SHCBP1L: variants seen among roughly 807,000 people sequenced by gnomAD.
The protein encoded by SHCBP1L is testicular spindle-associated protein SHCBP1L.
Under a neutral mutation model 62.5 loss-of-function variants are expected in SHCBP1L, and 67 were observed. The observed-to-expected ratio is 1.07, with a 90% CI of 0.88 to 1.31. The LOEUF (loss-of-function observed/expected upper bound fraction) is 1.31, where lower values mean the gene tolerates loss of function less well. Among genes scored for constraint, SHCBP1L ranks in the 40% most tolerant of loss-of-function variants. The pLI is 0.00. For missense variants in SHCBP1L, 823 were observed against 809.8 expected (o/e 1.02, Z -0.20); for synonymous variants, 284 against 289.4 (o/e 0.98, Z 0.19).
chr1:182,901,885 A>G (rs1389211825), intron 9 of SHCBP1L, among the ~76,000 whole-genome samples: 1 of 152,164 alleles, frequency 6.6e-6, no homozygotes, highest in Non-Finnish European at 1.5e-5. Context: ...AGGCCTACTG[A>G]ATCAGAAAGC....
intron 6 of SHCBP1L, among the ~76,000 whole-genome samples, chr1:182,913,613 A>G (rs965677093): frequency 6.6e-6 from 1 of 152,236 alleles, no homozygotes; most frequent in Non-Finnish European, 1.5e-5. Context: ...CTACATATCC[A>G]AGAAGTGTAA....
intron 6 of SHCBP1L, among the ~76,000 whole-genome samples, chr1:182,905,974 G>A (rs1180454143): frequency 2.0e-5 from 3 of 151,992 alleles, no homozygotes; most frequent in African/African-American, 7.3e-5. Context: ...TCGCTCTGTC[G>A]CCCAGGCTGG....
intron 7 of SHCBP1L, 104 bp from the exon 8 acceptor site, chr1:182,904,534 C>CGTGTGCGT (rs1649948106): frequency 1.7e-6 from 1 of 579,916 alleles, no homozygotes; most frequent in African/African-American, 2.0e-5. Context: ...TCCCTGTGTG[C>CGTGTGCGT]GTGTGTGTGT....
At chr1:182,923,164 T>C (rs1299041172) in intron 6 of SHCBP1L, among the ~76,000 whole-genome samples, 1 of 151,900 alleles carries the variant, frequency 6.6e-6, no homozygotes, top group Non-Finnish European at 1.5e-5. Context: ...ACACACAATC[T>C]CCCAAGATTG....
At chr1:182,952,479 T>C (rs570558812) in intron 1 of SHCBP1L, 1 of 438,388 alleles carries the variant, frequency 2.3e-6, no homozygotes, top group African/African-American at 2.1e-5. Flanking sequence ...CTCAGAAAAT[T>C]CTCTCTCAGG....
chr1:182,914,345 G>C (rs79014647), intron 6 of SHCBP1L, among the ~76,000 whole-genome samples: 2 of 152,202 alleles, frequency 1.3e-5, no homozygotes, highest in East Asian at 3.9e-4. Context: ...GTAAAATCAA[G>C]GGTAAATATA....
At chr1:182,950,854 C>G (rs536200467) in intron 2 of SHCBP1L, among the ~76,000 whole-genome samples, 1 of 151,606 alleles carries the variant, frequency 6.6e-6, no homozygotes. Flanking sequence ...TCACACCATT[C>G]TCCTGCCTCA....
chr1:182,949,757 T>C (rs1049771698), intron 2 of SHCBP1L, among the ~76,000 whole-genome samples: 6 of 151,828 alleles, frequency 4.0e-5, no homozygotes, highest in African/African-American at 1.5e-4. Context: ...TAGAGTCTTA[T>C]TGAAAAATTA....
At chr1:182,902,061 C>CTTTTTTTTTTTTTTT (rs1156301250) in intron 9 of SHCBP1L, among the ~76,000 whole-genome samples, 67 of 127,570 alleles carry the variant, frequency 5.3e-4, no homozygotes, top group African/African-American at 6.2e-4. Context: ...CTTTTTTTTT[C>CTTTTTTTTTTTTTTT]TTTTTTTTTT....
At chr1:182,948,514 G>A (rs894319916) in intron 2 of SHCBP1L, among the ~76,000 whole-genome samples, 5 of 152,150 alleles carry the variant, frequency 3.3e-5, no homozygotes, top group African/African-American at 1.2e-4. Flanking sequence ...CAGAATGCAG[G>A]CTGCTTCTAG....
rs770086834 is a variant in SHCBP1L at position 182,953,077 on chromosome 1, C to T, written c.57G>A (p.Pro19=). 10 of 1,557,242 alleles carry T rather than the reference C, an allele frequency of 6.4e-6. No individual in the cohort carries two copies. Among genetic ancestry groups the T allele is most frequent in the Admixed American group, 1.8e-5 (1 of 54,334 alleles). Residue 19 remains proline, a synonymous_variant, in exon 1 of 10, where the codon CCG becomes CCA. Coordinates refer to ENST00000367547, the MANE Select transcript of SHCBP1L (RefSeq NM_030933.4). ...VPADSFRTIS[P]DRRGEKSASA... ...AGGCGGACTTCTCGCCTCGCCTGTC[C>T]GGGCTGATGGTGCGGAATGAGTCCG...
rs191623687 is a variant in SHCBP1L, at chr1:182,910,621, G to A, written c.1183-4972C>T. On this transcript the variant is annotated intron_variant, in intron 6 of 9. Transcript: ENST00000367547. Reference sequence around the variant, plus strand: ...TTTTTGGAGGAATAAGGGCTTGAAAGGAATCAGGGCTTCCCATATACCAGG... The same window carrying A: ...TTTTTGGAGGAATAAGGGCTTGAAAAGAATCAGGGCTTCCCATATACCAGG... Among the ~76,000 whole-genome samples the A allele has an allele frequency of 1.8e-3, 281 of 152,316 alleles. 9 individuals are homozygous for A. Among genetic ancestry groups the A allele is most frequent in the East Asian group, 1.9e-4 (1 of 5,192 alleles).
chr1:182,951,744 A>G (rs915958960), intron 1 of SHCBP1L, among the ~76,000 whole-genome samples: 3 of 152,186 alleles, frequency 2.0e-5, no homozygotes, highest in East Asian at 1.9e-4. Context: ...CTTTTTATAA[A>G]TATCACTGCA....
chr1:182,915,231 A>G (rs1193563046), intron 6 of SHCBP1L, among the ~76,000 whole-genome samples: 2 of 150,118 alleles, frequency 1.3e-5, no homozygotes, highest in Non-Finnish European at 3.0e-5. Flanking sequence ...CAAGTAGGTT[A>G]ACAGTGAAAG....
chr1:182,925,034 G>C (rs973078715), intron 6 of SHCBP1L, among the ~76,000 whole-genome samples: 27 of 144,752 alleles, frequency 1.9e-4, no homozygotes, highest in African/African-American at 6.9e-4. Flanking sequence ...AGGGGAGGAA[G>C]GGAAGGAAGG....
intron 5 of SHCBP1L, among the ~76,000 whole-genome samples, chr1:182,935,782 T>G (rs1651147868): frequency 6.6e-6 from 1 of 152,228 alleles, no homozygotes; most frequent in Admixed American, 6.5e-5. Context: ...ATAATTGTCC[T>G]AGTTCTTAAA....
chr1:182,911,160 G>T (rs371994692), intron 6 of SHCBP1L, among the ~76,000 whole-genome samples: 10 of 152,162 alleles, frequency 6.6e-5, no homozygotes, highest in African/African-American at 2.4e-4. Flanking sequence ...GAAGTGCTGG[G>T]ATTACAGGTG....
chr1:182,925,917 A>G (rs934673435), intron 6 of SHCBP1L, among the ~76,000 whole-genome samples: 1 of 152,242 alleles, frequency 6.6e-6, no homozygotes, highest in Admixed American at 6.5e-5. Context: ...AATGTGGATG[A>G]ACCTTATAAA....
At chr1:182,902,760 A>T (rs2101917353) in intron 9 of SHCBP1L, among the ~76,000 whole-genome samples, 1 of 152,286 alleles carries the variant, frequency 6.6e-6, no homozygotes, top group African/African-American at 2.4e-5. Context: ...TGTATTACAG[A>T]TCTGATCAAA....
Sources: allele counts gnomAD v4.1 joint callset (sites outside exome capture counted in the v4.1 genomes callset), GRCh38; gene constraint gnomAD v4.1.1; transcripts MANE v1.5; gene names NCBI Gene and HGNC (gene_info 2026-07-23, HGNC 2026-07-21).